The following GRB2 variants were observed in gnomAD, a reference collection of about 807,000 sequenced individuals.
GRB2 encodes the protein growth factor receptor-bound protein 2.
In GRB2, 2 loss-of-function variants were observed where a neutral mutation model predicts 27.4. That is an observed-to-expected ratio of 0.07 (90% confidence interval 0.03 to 0.23). The LOEUF (loss-of-function observed/expected upper bound fraction) is 0.23, where lower values mean the gene tolerates loss of function less well. Among genes scored for constraint, GRB2 ranks in the 10% least tolerant of loss-of-function variants. The pLI, the probability that GRB2 is intolerant of heterozygous loss-of-function variation, is 1.00. For synonymous variants in GRB2, 94 were observed against 99.6 expected, an observed-to-expected ratio of 0.94 and a Z score of 0.33; for missense variants, 102 against 282.4, an observed-to-expected ratio of 0.36 and a Z score of 4.58.
chr17:75,405,015 G>A (rs978551450), intron 1 of GRB2: 1 of 151,720 alleles, frequency 6.6e-6, no homozygotes, highest in Non-Finnish European at 1.5e-5. Flanking sequence ...AGCAGCAAAC[G>A]TTCCACCCCA....
At chr17:75,375,564 A>T (rs1315733151) in intron 2 of GRB2, among the ~76,000 whole-genome samples, 5 of 152,186 alleles carry the variant, frequency 3.3e-5, no homozygotes, top group African/African-American at 1.2e-4. Context: ...AAAATCATAC[A>T]AAGTATGTTC....
In GRB2 at chr17:75,386,923, C is replaced by A. The variant is rs113731181; in HGVS notation, c.78+6628G>T. ...AGGCGCGGTGGCTCACGCCTGTAAC[C>A]CCAGCACTTTGGGAGGCTGAGAGGG... On this transcript the variant is annotated intron_variant, in intron 2 of 5. Transcript: ENST00000316804. Among the ~76,000 whole-genome samples the A allele has an allele frequency of 3.9e-3, 596 of 152,206 alleles. 8 individuals are homozygous for A. Among genetic ancestry groups the A allele is most frequent in the African/African-American group, 0.014 (574 of 41,526 alleles).
At chr17:75,364,449 G>A (rs1478280182) in intron 2 of GRB2, among the ~76,000 whole-genome samples, 1 of 152,062 alleles carries the variant, frequency 6.6e-6, no homozygotes, top group East Asian at 1.9e-4. Context: ...TTTTACAGAT[G>A]AAGAATCTAA....
chr17:75,348,771 G>A (rs1386994131), intron 2 of GRB2, among the ~76,000 whole-genome samples: 1 of 152,182 alleles, frequency 6.6e-6, no homozygotes, highest in Non-Finnish European at 1.5e-5. Flanking sequence ...CTGCCTCCTA[G>A]GCCAAGTGAA....
At chr17:75,398,112 T>G (rs879773312) in intron 1 of GRB2, among the ~76,000 whole-genome samples, 2 of 151,162 alleles carry the variant, frequency 1.3e-5, no homozygotes, top group African/African-American at 2.4e-5. Context: ...CATGAGCCAC[T>G]GCACCCAGCC....
chr17:75,322,045 C>A (rs919913496), intron 4 of GRB2, among the ~76,000 whole-genome samples: 5 of 152,098 alleles, frequency 3.3e-5, no homozygotes, highest in Non-Finnish European at 5.9e-5. Flanking sequence ...GAGGGACAGG[C>A]CATCAGTCAT....
chr17:75,376,414 A>G (rs1486056152), intron 2 of GRB2, among the ~76,000 whole-genome samples: 1 of 150,400 alleles, frequency 6.6e-6, no homozygotes, highest in Non-Finnish European at 1.5e-5. Context: ...CCAGCTACTC[A>G]GGAGGCTGAG....
At position 75,393,865 on chromosome 17, in the gene GRB2, G is replaced by T. The variant is rs1471978254; in HGVS notation, c.-137-100C>A. 7.5e-6 allele frequency: 4 copies of T among 533,070 alleles called. No homozygotes were observed. The East Asian group carries it at 9.4e-5, about 13-fold the overall frequency. The allele number at this position is 533,070 out of a possible 1,614,324, so 33.0% of individuals were successfully genotyped here. ...TCCCAGCCCCCACGCCCCCTGGCTCGGCCTGGCTCAGCCCTCCTCCCTCCC... is the reference window on the plus strand; with the variant it reads ...TCCCAGCCCCCACGCCCCCTGGCTCTGCCTGGCTCAGCCCTCCTCCCTCCC... On this transcript the variant is annotated intron_variant, in intron 1 of 5. Transcript: ENST00000316804.
At chr17:75,321,634 C>T in intron 5 of GRB2, 25 bp downstream of exon 5, 1 of 1,608,862 alleles carries the variant, frequency 6.2e-7, no homozygotes, top group Non-Finnish European at 8.5e-7. Flanking sequence ...TAAAAATGAT[C>T]CCATCTCACC....
At chr17:75,336,339 G>T (rs986505577) in intron 2 of GRB2, among the ~76,000 whole-genome samples, 1 of 152,174 alleles carries the variant, frequency 6.6e-6, no homozygotes, top group Non-Finnish European at 1.5e-5. Context: ...ATGGTGAGGT[G>T]TGTCTACTTT....
chr17:75,394,499 T>A (rs887393871), intron 1 of GRB2, among the ~76,000 whole-genome samples: 46 of 152,284 alleles, frequency 3.0e-4, no homozygotes, highest in Non-Finnish European at 1.6e-4. Flanking sequence ...CGCTCTTGCA[T>A]AAGGCTCCCT....
rs144534565 is a variant in GRB2, at chr17:75,373,417, A to G, written c.78+20134T>C. Reference sequence around the variant, plus strand: ...ATCAATATGGCTCATGTCTACTTTTATAACTCTGCCAAACACATTGAAAGA... The same window carrying G: ...ATCAATATGGCTCATGTCTACTTTTGTAACTCTGCCAAACACATTGAAAGA... On this transcript the variant is annotated intron_variant, in intron 2 of 5. Coordinates refer to ENST00000316804, the MANE Select transcript of GRB2 (RefSeq NM_002086.5). 12 of 152,314 alleles carry G rather than the reference A, an allele frequency of 7.9e-5. No individual in the cohort carries two copies. In the East Asian group the frequency reaches 1.7e-3, roughly 22 times the overall value. 9.4% of individuals were successfully genotyped at this position (152,314 alleles called of 1,614,324 possible). A position where few individuals can be genotyped will look rare whatever the true frequency, so the allele number is the denominator to read the frequency against.
intron 3 of GRB2, among the ~76,000 whole-genome samples, chr17:75,331,135 C>T (rs1347974500): frequency 1.3e-5 from 2 of 152,198 alleles, no homozygotes; most frequent in East Asian, 1.9e-4. Flanking sequence ...ACAGCAACTA[C>T]GTCTGCAAGG....
chr17:75,384,602 G>C (rs975930020), intron 2 of GRB2, among the ~76,000 whole-genome samples: 3 of 152,130 alleles, frequency 2.0e-5, no homozygotes, highest in African/African-American at 7.2e-5. Context: ...CCCGGGAGGT[G>C]GAGGTTGCAG....
Position 75,394,670 on chromosome 17 carries a change from G to A in GRB2, c.-137-905C>T, listed in dbSNP as rs2079019269. 3 of 152,178 alleles carry A rather than the reference G, an allele frequency of 2.0e-5. No homozygotes were observed. The South Asian group carries it at 6.2e-4, about 32-fold the overall frequency. 9.4% of individuals were successfully genotyped at this position (152,178 alleles called of 1,614,324 possible). ...GAAAGGAATCCCTTTTTCAGAATCT[G>A]AGCTGCCAAGTATCTTGTTTGGGAA... is the stretch of plus-strand genomic sequence containing the variant. On this transcript the variant is annotated intron_variant, in intron 1 of 5. Coordinates refer to ENST00000316804, the MANE Select transcript of GRB2 (RefSeq NM_002086.5).
At chr17:75,339,618 T>C (rs1384211542) in intron 2 of GRB2, among the ~76,000 whole-genome samples, 1 of 124,336 alleles carries the variant, frequency 8.0e-6, no homozygotes, top group East Asian at 2.9e-4. Context: ...CCTTTTTCTT[T>C]CTTTCTTTTT....
Position 75,322,996 on chromosome 17 carries a change from G to A in GRB2, c.300-1169C>T, listed in dbSNP as rs146880275. Reference sequence around the variant, plus strand: ...TAGCCAGGTGTGGTGGCAGATGCCTGTAGTCACAGCTACTCGGGAGGCTGA... The same window carrying A: ...TAGCCAGGTGTGGTGGCAGATGCCTATAGTCACAGCTACTCGGGAGGCTGA... On this transcript the variant is annotated intron_variant, in intron 4 of 5. Transcript: ENST00000316804. Among the ~76,000 whole-genome samples, 1,115 of 152,018 alleles carry A rather than the reference G, an allele frequency of 7.3e-3. 6 individuals are homozygous for A. Among genetic ancestry groups the A allele is most frequent in the African/African-American group, 0.025 (1,033 of 41,452 alleles).
chr17:75,384,448 C>T (rs527781280), intron 2 of GRB2, among the ~76,000 whole-genome samples: 16 of 152,042 alleles, frequency 1.1e-4, no homozygotes, highest in East Asian at 3.9e-4. Flanking sequence ...GCGGGTGGAT[C>T]GCCTGAGGTC....
chr17:75,356,323 C>G (rs2078733443), intron 2 of GRB2, among the ~76,000 whole-genome samples: 1 of 151,876 alleles, frequency 6.6e-6, no homozygotes, highest in South Asian at 2.1e-4. Flanking sequence ...CAAGACCAGC[C>G]TAGGCAACAT....
Sources: gnomAD v4.1 joint callset for allele counts (sites outside exome capture counted in the v4.1 genomes callset) on GRCh38, gnomAD v4.1.1 for gene constraint, MANE v1.5 for transcripts, NCBI Gene and HGNC (gene_info 2026-07-23, HGNC 2026-07-21) for gene names.